Variants in BBS9 observed in about 807,000 individuals in gnomAD.
BBS9 encodes protein PTHB1.
In BBS9, 89 loss-of-function variants were observed where a neutral mutation model predicts 117.7. The observed-to-expected ratio is 0.76, with a 90% CI of 0.64 to 0.90. The LOEUF is 0.90. Ranked by LOEUF, BBS9 falls within the 40% of genes least tolerant of loss-of-function variation. The pLI is 0.00. For synonymous variants in BBS9, 379 were observed against 370.9 expected (o/e 1.02, Z -0.25); for missense variants, 982 against 1,042.2 (o/e 0.94, Z 0.80).
intron 5 of BBS9, among the ~76,000 whole-genome samples, chr7:33,245,771 A>G (rs149690419): frequency 3.4e-4 from 52 of 152,304 alleles, no homozygotes; most frequent in African/African-American, 1.2e-3. Context: ...ACTAACATAT[A>G]AGAGACTGTG....
chr7:33,414,047 A>G (rs1831581760), intron 19 of BBS9, among the ~76,000 whole-genome samples: 1 of 152,096 alleles, frequency 6.6e-6, no homozygotes, highest in Non-Finnish European at 1.5e-5. Context: ...AACAAAACAA[A>G]AAACGAAAAC....
intron 5 of BBS9, among the ~76,000 whole-genome samples, chr7:33,232,570 C>T (rs1364384467): frequency 6.6e-6 from 1 of 151,852 alleles, no homozygotes; most frequent in Non-Finnish European, 1.5e-5. Flanking sequence ...ATTTTTACTT[C>T]CTTAGGTTTG....
At chr7:33,488,577 G>A (rs1054210901) in intron 19 of BBS9, among the ~76,000 whole-genome samples, 2 of 152,110 alleles carry the variant, frequency 1.3e-5, no homozygotes, top group African/African-American at 4.8e-5. Context: ...TTAAAATATG[G>A]GGTTAGGATT....
At chr7:33,572,126 T>C (rs1377986330) in intron 21 of BBS9, among the ~76,000 whole-genome samples, 1 of 152,106 alleles carries the variant, frequency 6.6e-6, no homozygotes, top group Non-Finnish European at 1.5e-5. Flanking sequence ...ACTGTCATTC[T>C]ACTCTCTTAT....
Position 33,340,912 on chromosome 7 carries a change from CTG to C in BBS9, c.1215_1216del (p.Glu408ArgfsTer2), listed in dbSNP as rs1389687448. 1 of 1,613,328 alleles carries C rather than the reference CTG, an allele frequency of 6.2e-7. No homozygotes were observed. Among genetic ancestry groups the C allele is most frequent in the African/African-American group, 1.3e-5 (1 of 74,880 alleles). On this transcript the variant is annotated frameshift_variant, in exon 11 of 23. Transcript: ENST00000242067. LOFTEE classifies it high-confidence loss of function. ...TAAATCACAGGTGTTTGGCCCATGA[CTG>C]AGAGAGAAGATGACTTGAACGTTTC...
chr7:33,246,309 T>TC (rs1729811560), intron 5 of BBS9, among the ~76,000 whole-genome samples: 1 of 151,806 alleles, frequency 6.6e-6, no homozygotes, highest in South Asian at 2.1e-4. Flanking sequence ...TTTTTTTTTT[T>TC]CCACAACATT....
In BBS9 at chr7:33,231,428, CTTTTT is replaced by C. The variant is rs35407590; in HGVS notation, c.443-25795_443-25791del. Among the ~76,000 whole-genome samples, 6 of 106,386 alleles carry C rather than the reference CTTTTT, an allele frequency of 5.6e-5. 1 individual carries two copies. Among genetic ancestry groups the C allele is most frequent in the South Asian group, 6.8e-4 (2 of 2,958 alleles). 69.8% of individuals were successfully genotyped at this position (106,386 alleles called of 152,430 possible). On this transcript the variant is annotated intron_variant, in intron 5 of 22. Coordinates refer to ENST00000242067, the MANE Select transcript of BBS9 (RefSeq NM_198428.3). ...TATTCTGTTCCTCTGGCCTATGTGT[CTTTTT>C]TTTTTTTTTTTTGCCAGGACCATAT...
rs142448674 is a variant in BBS9, at chr7:33,388,921, G to A, written c.2115+777G>A. ...TCCTGTTTCAAAGTCAGTGTTGCTG[G>A]TATGAATAGTCTGTTGATTTTTTGA... On this transcript the variant is annotated intron_variant, in intron 19 of 22. Transcript: ENST00000242067. 8.1e-3 allele frequency among the ~76,000 whole-genome samples: 1,233 copies of A among 152,220 alleles called. 5 individuals carry two copies. Among genetic ancestry groups the A allele is most frequent in the Non-Finnish European group, 0.014 (923 of 68,018 alleles).
intron 5 of BBS9, among the ~76,000 whole-genome samples, chr7:33,217,962 CAG>C (rs745586550): frequency 4.1e-4 from 63 of 152,106 alleles, no homozygotes; most frequent in Non-Finnish European, 7.1e-4. Context: ...AGGAAATAAA[CAG>C]AAGTATAAAA....
intron 9 of BBS9, among the ~76,000 whole-genome samples, chr7:33,310,157 A>C (rs1426079825): frequency 6.6e-6 from 1 of 152,160 alleles, no homozygotes; most frequent in Non-Finnish European, 1.5e-5. Context: ...CTCCTCCTAC[A>C]GTGTGTTTAA....
intron 19 of BBS9, among the ~76,000 whole-genome samples, chr7:33,413,449 T>C (rs1291354210): frequency 1.3e-5 from 2 of 152,180 alleles, no homozygotes; most frequent in Non-Finnish European, 2.9e-5. Context: ...ATTAGCTGAT[T>C]ATTACTAATT....
At chr7:33,312,613 T>A (rs539078568) in intron 9 of BBS9, among the ~76,000 whole-genome samples, 4 of 152,200 alleles carry the variant, frequency 2.6e-5, no homozygotes, top group Middle Eastern at 3.2e-3. Flanking sequence ...ATTTTTATCA[T>A]AATTTTTCCA....
At chr7:33,205,815 G>A (rs1786797691) in intron 5 of BBS9, among the ~76,000 whole-genome samples, 1 of 152,026 alleles carries the variant, frequency 6.6e-6, no homozygotes, top group Non-Finnish European at 1.5e-5. Context: ...AGATCAAGTA[G>A]CCCATTTTTT....
chr7:33,537,700 C>CAG (rs1461297013), intron 21 of BBS9, among the ~76,000 whole-genome samples: 2 of 152,180 alleles, frequency 1.3e-5, no homozygotes, highest in African/African-American at 4.8e-5. Flanking sequence ...TCCCAACCTT[C>CAG]TCCCTGCAGC....
intron 19 of BBS9, among the ~76,000 whole-genome samples, chr7:33,487,004 C>T (rs1428327920): frequency 6.6e-6 from 1 of 152,168 alleles, no homozygotes; most frequent in South Asian, 2.1e-4. Flanking sequence ...ATGTGCTGAA[C>T]TAATGATGTT....
chr7:33,430,041 C>T (rs1834210032), intron 19 of BBS9, among the ~76,000 whole-genome samples: 1 of 152,088 alleles, frequency 6.6e-6, no homozygotes, highest in Non-Finnish European at 1.5e-5. Context: ...CTTACTGGTA[C>T]CAGGGAGAGT....
downstream of BBS9, among the ~76,000 whole-genome samples, chr7:33,608,332 T>C (rs1169455673): frequency 2.6e-5 from 4 of 152,120 alleles, no homozygotes; most frequent in Non-Finnish European, 5.9e-5. Flanking sequence ...CTATTGTGAA[T>C]AGTGCTGCAA....
chr7:33,466,586 C>T (rs1009176860), intron 19 of BBS9, among the ~76,000 whole-genome samples: 8 of 152,020 alleles, frequency 5.3e-5, no homozygotes, highest in Non-Finnish European at 8.8e-5. Context: ...GCAGACACTT[C>T]GGTTGTTTCC....
rs573656815 is a variant in BBS9, at chr7:33,524,844, G to T, written c.2299-9110G>T. 1.6e-4 allele frequency among the ~76,000 whole-genome samples: 24 copies of T among 152,230 alleles called. No individual in the cohort carries two copies. In the South Asian group the frequency reaches 4.6e-3, roughly 29 times the overall value. Reference sequence around the variant, plus strand: ...TAGTTCTTTTAATTGTGATGTTAGGGTGTCAATTTTGGATCTTTCCTGCTT... The same window carrying T: ...TAGTTCTTTTAATTGTGATGTTAGGTTGTCAATTTTGGATCTTTCCTGCTT... On this transcript the variant is annotated intron_variant, in intron 20 of 22. Transcript: ENST00000242067.
Sources: gnomAD v4.1 joint callset for allele counts (sites outside exome capture counted in the v4.1 genomes callset) on GRCh38, gnomAD v4.1.1 for gene constraint, MANE v1.5 for transcripts, NCBI Gene and HGNC (gene_info 2026-07-23, HGNC 2026-07-21) for gene names.